The following NCKAP5 variants were observed in gnomAD, a reference collection of about 807,000 sequenced individuals.
NCKAP5 encodes nck-associated protein 5.
NCKAP5 carries 92 observed loss-of-function variants against 167.0 expected under a neutral mutation model. That is an observed-to-expected ratio of 0.55 (90% confidence interval 0.47 to 0.66). NCKAP5 has a LOEUF of 0.66. Among genes scored for constraint, NCKAP5 ranks in the 30% least tolerant of loss-of-function variants. The pLI is 0.00. For missense variants in NCKAP5, 2,378 were observed against 2,315.0 expected (o/e 1.03, Z -0.56); for synonymous variants, 891 against 877.4 (o/e 1.02, Z -0.27).
chr2:133,276,388 G>T (rs759581275), intron 4 of NCKAP5, among the ~76,000 whole-genome samples: 9 of 152,014 alleles, frequency 5.9e-5, no homozygotes, highest in Non-Finnish European at 1.2e-4. Context: ...AATTATACAA[G>T]ATAGGAAATG....
intron 6 of NCKAP5, among the ~76,000 whole-genome samples, chr2:133,060,928 T>C (rs879919198): frequency 2.6e-5 from 4 of 152,078 alleles, no homozygotes; most frequent in Non-Finnish European, 5.9e-5. Flanking sequence ...TTCTGATGAA[T>C]CCATCCTCTA....
At chr2:133,612,495 G>A in the NCKAP5 span, among the ~76,000 whole-genome samples, 24 of 152,124 alleles carry the variant, frequency 1.6e-4, no homozygotes, top group African/African-American at 4.1e-4. Flanking sequence ...CAATCAATCC[G>A]TTTGGTCTCC....
intron 6 of NCKAP5, among the ~76,000 whole-genome samples, chr2:133,050,524 G>T (rs1047041298): frequency 6.6e-6 from 1 of 152,148 alleles, no homozygotes; most frequent in African/African-American, 2.4e-5. Context: ...ACCATGAAAA[G>T]ATGATAACAC....
At chr2:133,000,819 G>A (rs2077752444) in intron 6 of NCKAP5, among the ~76,000 whole-genome samples, 1 of 152,166 alleles carries the variant, frequency 6.6e-6, no homozygotes, top group South Asian at 2.1e-4. Context: ...AGTAACTGAT[G>A]TATGCAGCAA....
intron 4 of NCKAP5, among the ~76,000 whole-genome samples, chr2:133,261,138 A>T: frequency 6.6e-6 from 1 of 152,216 alleles, no homozygotes; most frequent in East Asian, 1.9e-4. Context: ...GTGTGATTAA[A>T]AAAGCCCAAT....
chr2:132,978,935 C>G (rs1308610858), intron 7 of NCKAP5, among the ~76,000 whole-genome samples: 4 of 152,148 alleles, frequency 2.6e-5, no homozygotes, highest in African/African-American at 9.7e-5. Flanking sequence ...AAAGATTATG[C>G]CAGACACTGA....
rs142598043 is a variant in NCKAP5, at chr2:133,415,035, C to A, written c.69+102423G>T. 4.6e-3 allele frequency among the ~76,000 whole-genome samples: 693 copies of A among 152,286 alleles called. 7 individuals carry two copies. Among genetic ancestry groups the A allele is most frequent in the African/African-American group, 0.015 (612 of 41,562 alleles). On this transcript the variant is annotated intron_variant, in intron 3 of 19. Transcript: ENST00000409261. The stretch of plus-strand genomic sequence containing the variant: ...GCTCACTCTATGCTTAGCTGTTTTA[C>A]AAATTGGTAAATACACAGGCCAAGC...
chr2:133,489,120 T>C (rs1681211386), intron 3 of NCKAP5, among the ~76,000 whole-genome samples: 1 of 152,120 alleles, frequency 6.6e-6, no homozygotes, highest in South Asian at 2.1e-4. Flanking sequence ...AAGGGGGACA[T>C]AGTACATCTC....
intron 16 of NCKAP5, among the ~76,000 whole-genome samples, chr2:132,763,034 A>G (rs1281603586): frequency 6.6e-6 from 1 of 152,166 alleles, no homozygotes. Flanking sequence ...ATCACAGCAC[A>G]CCATTGATCA....
intron 6 of NCKAP5, among the ~76,000 whole-genome samples, chr2:133,125,152 T>C (rs1231844363): frequency 6.6e-6 from 1 of 151,986 alleles, no homozygotes; most frequent in Non-Finnish European, 1.5e-5. Context: ...ATTATATATA[T>C]GAAATTGGTA....
chr2:133,533,016 G>C (rs926136071), intron 2 of NCKAP5, among the ~76,000 whole-genome samples: 8 of 152,112 alleles, frequency 5.3e-5, no homozygotes, highest in African/African-American at 1.9e-4. Flanking sequence ...TGGCTCTTTT[G>C]ATCAAAGAAT....
intron 3 of NCKAP5, among the ~76,000 whole-genome samples, chr2:133,437,106 C>G (rs1690533062): frequency 6.6e-6 from 1 of 152,122 alleles, no homozygotes; most frequent in Non-Finnish European, 1.5e-5. Flanking sequence ...GTAATCCCAG[C>G]ACTTTGGGAC....
chr2:133,560,591 G>A (rs1360584708), intron 1 of NCKAP5, among the ~76,000 whole-genome samples: 2 of 152,226 alleles, frequency 1.3e-5, no homozygotes, highest in East Asian at 1.9e-4. Context: ...AGATTTGGGT[G>A]AATAAGAGGA....
chr2:133,282,013 A>G (rs1274607387), intron 4 of NCKAP5, among the ~76,000 whole-genome samples: 3 of 152,162 alleles, frequency 2.0e-5, no homozygotes, highest in African/African-American at 7.2e-5. Flanking sequence ...AGGAGTTGCA[A>G]TTCTATCACG....
chr2:133,590,595 C>T, the NCKAP5 span, among the ~76,000 whole-genome samples: 1 of 150,596 alleles, frequency 6.6e-6, no homozygotes, highest in Non-Finnish European at 1.5e-5. Context: ...ACATGACTCT[C>T]ACAACCATGG....
intron 1 of NCKAP5, among the ~76,000 whole-genome samples, chr2:133,560,485 G>A (rs1468409405): frequency 2.0e-5 from 3 of 152,184 alleles, no homozygotes; most frequent in Non-Finnish European, 4.4e-5. Context: ...TACATCACAA[G>A]TAAAGAAAGC....
chr2:133,282,027 C>T (rs1291087294), intron 4 of NCKAP5, among the ~76,000 whole-genome samples: 1 of 152,096 alleles, frequency 6.6e-6, no homozygotes, highest in Non-Finnish European at 1.5e-5. Context: ...TATCACGTGC[C>T]TATAAGGAAG....
intron 8 of NCKAP5, among the ~76,000 whole-genome samples, chr2:132,943,181 G>T (rs1697430959): frequency 6.6e-6 from 1 of 152,184 alleles, no homozygotes; most frequent in South Asian, 2.1e-4. Context: ...GGTTTTCTCT[G>T]TTGGTAAACA....
chr2:132,935,924 A>G (rs1428154930), intron 8 of NCKAP5, among the ~76,000 whole-genome samples: 1 of 152,198 alleles, frequency 6.6e-6, no homozygotes, highest in African/African-American at 2.4e-5. Flanking sequence ...GGTGCCGTTA[A>G]TCAGGAATGA....
Sources: gnomAD v4.1 joint callset for allele counts (sites outside exome capture counted in the v4.1 genomes callset) on GRCh38, gnomAD v4.1.1 for gene constraint, MANE v1.5 for transcripts, NCBI Gene and HGNC (gene_info 2026-07-23, HGNC 2026-07-21) for gene names.